The following OTULIN variants were observed in gnomAD, a reference collection of about 807,000 sequenced individuals.
OTULIN encodes the protein OTU deubiquitinase with linear linkage specificity.
In OTULIN, 15 loss-of-function variants were observed where a neutral mutation model predicts 39.6. That is an observed-to-expected ratio of 0.38 (90% confidence interval 0.25 to 0.58). The LOEUF (loss-of-function observed/expected upper bound fraction) is 0.58, where lower values mean the gene tolerates loss of function less well. Ranked by LOEUF, OTULIN falls within the 20% of genes least tolerant of loss-of-function variation. The probability of loss-of-function intolerance (pLI) is 0.66; values close to 1 mark genes in which losing one functional copy is unlikely to be tolerated. For synonymous variants in OTULIN, 156 were observed against 170.3 expected (o/e 0.92, Z 0.65); for missense variants, 319 against 445.9 (o/e 0.72, Z 2.56).
rs768236056 is a variant in OTULIN, at chr5:14,697,558, T to G, written c.*4510T>G. The G allele has an allele frequency of 7.9e-5, 12 of 152,104 alleles. No homozygotes were observed. Among genetic ancestry groups the G allele is most frequent in the Non-Finnish European group, 1.5e-4 (10 of 68,018 alleles). The allele number at this position is 152,104 out of a possible 1,614,324, so 9.4% of individuals were successfully genotyped here. On this transcript the variant is annotated 3_prime_UTR_variant, in exon 7 of 7. Transcript: ENST00000284274. ...TGGGTTTTGGTATGTATAATGGAAA[T>G]AGATAGAGTGGTTAAGTCTAGAAAC...
the OTULIN span, chr5:14,711,441 G>A: frequency 4.0e-6 from 3 of 756,070 alleles, no homozygotes; most frequent in Non-Finnish European, 6.9e-6. Context: ...TATGGTTGGG[G>A]TGGCGTCACC....
chr5:14,694,408 T>C lies in OTULIN; in HGVS notation c.*1360T>C, dbSNP rs1736613377. 6.6e-6 allele frequency: 1 copy of C among 152,218 alleles called. No individual in the cohort carries two copies. The highest frequency in any genetic ancestry group is 2.4e-5 in the African/African-American group (1 of 41,456). 9.4% of individuals were successfully genotyped at this position (152,218 alleles called of 1,614,324 possible). ...TGTTCACATGAACCGGAGACATCACTCTTTAGGATTCTACTGGCAGCCCCT... is the reference window on the plus strand; with the variant it reads ...TGTTCACATGAACCGGAGACATCACCCTTTAGGATTCTACTGGCAGCCCCT... On this transcript the variant is annotated 3_prime_UTR_variant, in exon 7 of 7. Coordinates refer to ENST00000284274, the MANE Select transcript of OTULIN (RefSeq NM_138348.6).
chr5:14,680,108 CT>C (rs1165404538), intron 3 of OTULIN, among the ~76,000 whole-genome samples: 1 of 152,118 alleles, frequency 6.6e-6, no homozygotes, highest in Non-Finnish European at 1.5e-5. Context: ...CTGAAATAGC[CT>C]GAGTAATTTA....
At chr5:14,713,807 T>A in the OTULIN span, 1 of 1,245,212 alleles carries the variant, frequency 8.0e-7, no homozygotes, top group Non-Finnish European at 1.2e-6. The surrounding 1 kb of genome is among the most constrained non-coding windows in gnomAD (Gnocchi z 4.4). Context: ...GGCCACCTCA[T>A]CTTCCTGCCA....
downstream of OTULIN, among the ~76,000 whole-genome samples, chr5:14,702,805 C>T (rs147339022): frequency 4.6e-4 from 70 of 152,240 alleles, no homozygotes; most frequent in African/African-American, 1.5e-3. Flanking sequence ...AATGATTGTA[C>T]TTGTTAATTC....
At chr5:14,692,307 T>G (rs970935920) in intron 6 of OTULIN, among the ~76,000 whole-genome samples, 1 of 152,240 alleles carries the variant, frequency 6.6e-6, no homozygotes, top group Admixed American at 6.5e-5. Context: ...TCATTGACAT[T>G]TAGTACACTG....
At chr5:14,676,169 C>T (rs1424524666) in intron 2 of OTULIN, among the ~76,000 whole-genome samples, 1 of 152,220 alleles carries the variant, frequency 6.6e-6, no homozygotes. Context: ...CTTTGTCACC[C>T]ATGTGGTGGT....
chr5:14,709,512 A>G, the OTULIN span: 1 of 152,196 alleles, frequency 6.6e-6, no homozygotes, highest in South Asian at 2.1e-4. Flanking sequence ...CACAGCTAAC[A>G]TTATGCCCTT....
rs1361945212 is a variant in OTULIN at position 14,690,363 on chromosome 5, A to G, written c.864+55A>G. ...CCAAAATAAAGCAGCTTTACTGATC[A>G]AACTTGATGTCACAGTTTTTGTAGG... On this transcript the variant is annotated intron_variant, in intron 6 of 6. Coordinates refer to ENST00000284274, the MANE Select transcript of OTULIN (RefSeq NM_138348.6). The surrounding 1 kb of genome is among the most constrained non-coding windows in gnomAD (Gnocchi z 4.5). 1.9e-6 allele frequency: 3 copies of G among 1,569,586 alleles called. No individual in the cohort carries two copies. The highest frequency in any genetic ancestry group is 3.8e-5 in the Admixed American group (2 of 52,534).
Position 14,697,678 on chromosome 5 carries a change from G to C in OTULIN, c.*4630G>C, listed in dbSNP as rs1370141343. 1 of 152,144 alleles carries C rather than the reference G, an allele frequency of 6.6e-6. No homozygotes were observed. The highest frequency in any genetic ancestry group is 2.4e-5 in the African/African-American group (1 of 41,422). 9.4% of individuals were successfully genotyped at this position (152,144 alleles called of 1,614,324 possible). A position where few individuals can be genotyped will look rare whatever the true frequency, so the allele number is the denominator to read the frequency against. On this transcript the variant is annotated 3_prime_UTR_variant, in exon 7 of 7. Transcript: ENST00000284274. ...ATGGCCACCAGTTTGTTTAAGCATT[G>C]TGAATGCTTTTTAATAGCATTCATT...
the OTULIN span, among the ~76,000 whole-genome samples, chr5:14,716,184 TTTTTG>T: frequency 6.6e-6 from 1 of 152,204 alleles, no homozygotes; most frequent in Admixed American, 6.5e-5. Flanking sequence ...CTTTTTACTG[TTTTTG>T]TAATCACTGC....
intron 2 of OTULIN, among the ~76,000 whole-genome samples, chr5:14,675,043 T>C (rs1736070296): frequency 2.0e-5 from 3 of 152,174 alleles, no homozygotes; most frequent in Admixed American, 2.0e-4. Context: ...ATTCTTGCCG[T>C]TGTTTGATGT....
the OTULIN span, among the ~76,000 whole-genome samples, chr5:14,715,826 C>T: frequency 6.6e-6 from 1 of 152,210 alleles, no homozygotes; most frequent in South Asian, 2.1e-4. Context: ...TAGTACACCT[C>T]ACACCACTAT....
the OTULIN span, chr5:14,709,684 T>G: frequency 6.6e-6 from 1 of 152,624 alleles, no homozygotes; most frequent in Non-Finnish European, 1.5e-5. Context: ...TGAAAAATAG[T>G]TCTGTCATTT....
At chr5:14,703,678 G>A (rs1204954463), downstream of OTULIN, among the ~76,000 whole-genome samples, 2 of 152,194 alleles carry the variant, frequency 1.3e-5, no homozygotes, top group Non-Finnish European at 2.9e-5. Context: ...GCGCAGCTCT[G>A]TATTGTCTTT....
At chr5:14,703,130 G>A (rs1030725239), downstream of OTULIN, among the ~76,000 whole-genome samples, 1 of 152,032 alleles carries the variant, frequency 6.6e-6, no homozygotes. Context: ...AAAAGCAGCA[G>A]ACAGAATGAG....
intron 2 of OTULIN, 56 bp from the exon 3 acceptor site, chr5:14,678,622 GTAT>G: frequency 8.4e-7 from 1 of 1,193,568 alleles, no homozygotes; most frequent in African/African-American, 1.6e-5. Flanking sequence ...AACTGAAGCA[GTAT>G]TCTGATTATG....
Position 14,681,624 on chromosome 5 carries a change from G to A in OTULIN, c.468+17G>A, listed in dbSNP as rs1204314358. 6.3e-7 allele frequency: 1 copy of A among 1,595,306 alleles called. No individual in the cohort carries two copies. The highest frequency in any genetic ancestry group is 8.5e-7 in the Non-Finnish European group (1 of 1,173,934). ...CTCATGCTGGTACGCTGCTGCTGCA[G>A]GTTTGAGTCCAAAATGTTTCAAACA... On this transcript the variant is annotated intron_variant, in intron 4 of 6. Transcript: ENST00000284274.
At chr5:14,716,262 CGAG>C in the OTULIN span, among the ~76,000 whole-genome samples, 1 of 152,040 alleles carries the variant, frequency 6.6e-6, no homozygotes, top group African/African-American at 2.4e-5. Context: ...AGCACTTTGC[CGAG>C]GAGGAGCACT....
Sources: gnomAD v4.1 joint callset for allele counts (sites outside exome capture counted in the v4.1 genomes callset) on GRCh38, gnomAD v4.1.1 for gene constraint, Gnocchi (gnomAD v3.1) non-coding constraint, MANE v1.5 for transcripts, NCBI Gene and HGNC (gene_info 2026-07-23, HGNC 2026-07-21) for gene names.